The following ZNF331 variants were observed in gnomAD, a reference collection of about 807,000 sequenced individuals.
The protein encoded by ZNF331 is C2H2-like zinc finger protein rearranged in thyroid adenomas.
A neutral mutation model predicts 7.0 loss-of-function variants in ZNF331; 2 were observed. The ratio of observed to expected loss-of-function variants is 0.29; its 90% CI spans 0.12 to 0.90. The LOEUF (loss-of-function observed/expected upper bound fraction) is 0.90. Ranked by LOEUF, ZNF331 falls within the 40% of genes least tolerant of loss-of-function variation. ZNF331 has a pLI of 0.58. For synonymous variants in ZNF331, 196 were observed against 205.4 expected (o/e 0.95, Z 0.39); for missense variants, 432 against 587.7 (o/e 0.74, Z 2.74).
the ZNF331 span, chr19:53,503,329 A>G: frequency 7.8e-6 from 3 of 385,174 alleles, no homozygotes; most frequent in South Asian, 2.1e-5. Flanking sequence ...TCGCTCATGC[A>G]TCACGTTCCC....
At position 53,571,503 on chromosome 19, in the gene ZNF331, T is replaced by C. The variant is rs961872706; in HGVS notation, c.10-101T>C. The C allele has an allele frequency of 2.0e-6, 3 of 1,473,848 alleles. No homozygotes were observed. In the African/African-American group the frequency reaches 4.2e-5, roughly 21 times the overall value. 91.3% of individuals were successfully genotyped at this position (1,473,848 alleles called of 1,614,324 possible). A position where few individuals can be genotyped will look rare whatever the true frequency, so the allele number is the denominator to read the frequency against. On this transcript the variant is annotated intron_variant, in intron 4 of 5. Coordinates refer to ENST00000449416, the MANE Select transcript of ZNF331 (RefSeq NM_001079906.2). This position sits in a 1 kb window ranked among gnomAD's most constrained non-coding sequence, Gnocchi z 4.7. ...TTGCCGATGTCACGGGTGTTCAGTC[T>C]GCTCACGGTGTTCACCCTACCCAGA...
At chr19:53,554,111 G>C (rs1479622143) in intron 2 of ZNF331, among the ~76,000 whole-genome samples, 12 of 152,196 alleles carry the variant, frequency 7.9e-5, no homozygotes, top group Admixed American at 7.2e-4. Flanking sequence ...AAGCCCCTGT[G>C]TGTTTGGGCC....
At chr19:53,507,532 A>G in the ZNF331 span, among the ~76,000 whole-genome samples, 3 of 152,208 alleles carry the variant, frequency 2.0e-5, no homozygotes, top group Non-Finnish European at 2.9e-5. Context: ...CACGGTCTGA[A>G]GCAAAGCTAT....
chr19:53,530,816 G>C (rs1159726355), intron 2 of ZNF331, among the ~76,000 whole-genome samples: 1 of 152,238 alleles, frequency 6.6e-6, no homozygotes, highest in African/African-American at 2.4e-5. Context: ...ACGCACTTGC[G>C]TGGGCGTGTG....
intron 2 of ZNF331, among the ~76,000 whole-genome samples, chr19:53,545,673 C>A (rs1454448695): frequency 6.6e-6 from 1 of 152,214 alleles, no homozygotes; most frequent in Non-Finnish European, 1.5e-5. Flanking sequence ...TGTCTCTGGG[C>A]TTCCTCTGCC....
chr19:53,517,347 G>T (rs986564024), upstream of ZNF331, among the ~76,000 whole-genome samples: 4 of 151,932 alleles, frequency 2.6e-5, no homozygotes, highest in Non-Finnish European at 5.9e-5. Context: ...TAAATAATAA[G>T]GACTGCATCC....
Position 53,579,491 on chromosome 19 carries a change from T to C in ZNF331, c.*1539T>C, listed in dbSNP as rs2090849715. 4.8e-6 allele frequency: 1 copy of C among 209,530 alleles called. No homozygotes were observed. The highest frequency in any genetic ancestry group is 2.3e-5 in the African/African-American group (1 of 44,048). The allele number at this position is 209,530 out of a possible 1,614,324, so 13.0% of individuals were successfully genotyped here. A position where few individuals can be genotyped will look rare whatever the true frequency, so the allele number is the denominator to read the frequency against. On this transcript the variant is annotated 3_prime_UTR_variant, in exon 6 of 6. Coordinates refer to ENST00000449416, the MANE Select transcript of ZNF331 (RefSeq NM_001079906.2). ...TGAGACTGCTATCATGGAAATTAAATGTTTGGTACATGTAAAGTCTTTGAA... is the reference window on the plus strand; with the variant it reads ...TGAGACTGCTATCATGGAAATTAAACGTTTGGTACATGTAAAGTCTTTGAA...
In ZNF331 at chr19:53,572,143, G is replaced by A. The variant is rs533801947; in HGVS notation, c.136+413G>A. Among the ~76,000 whole-genome samples, 6 of 152,282 alleles carry A rather than the reference G, an allele frequency of 3.9e-5. No individual in the cohort carries two copies. The East Asian group carries it at 9.6e-4, about 24-fold the overall frequency. On this transcript the variant is annotated intron_variant, in intron 5 of 5. Coordinates refer to ENST00000449416, the MANE Select transcript of ZNF331 (RefSeq NM_001079906.2). ...ATTGTTCTAGTAAACCAGCCTATGT[G>A]TTTGAAGTACAGTAGATCAGACAAA...
At position 53,577,336 on chromosome 19, in the gene ZNF331, T is replaced by C. The variant is rs1180193618; in HGVS notation, c.776T>C (p.Ile259Thr). ...ACCTTTAGCCGTGTGTATAAACTTA[T>C]TCAGCACAAGAGAATTCATAGTGGG... Reference protein sequence around the residue: ...GKTFSRVYKLIQHKRIHSGEK... With the variant: ...GKTFSRVYKLTQHKRIHSGEK... Residue 259 changes from isoleucine (I) to threonine (T), a missense_variant, in exon 6 of 6, where the codon ATT becomes ACT. Physicochemically the swap from Ile to Thr is moderately conservative, Grantham distance 89 (BLOSUM62 -1). Around this residue, in one of 3 missense-constraint regions of ZNF331, gnomAD observed 312 missense variants for 448.6 expected, o/e 0.70. Transcript: ENST00000449416. 3.7e-6 allele frequency: 6 copies of C among 1,608,046 alleles called. No individual in the cohort carries two copies. Among genetic ancestry groups the C allele is most frequent in the Non-Finnish European group, 5.1e-6 (6 of 1,178,248 alleles).
chr19:53,503,441 A>G, the ZNF331 span: 1 of 613,516 alleles, frequency 1.6e-6, no homozygotes, highest in Non-Finnish European at 2.9e-6. Flanking sequence ...CGCAGACTGT[A>G]CTTGGAATCC....
At chr19:53,562,187 A>G (rs543557318) in intron 3 of ZNF331, among the ~76,000 whole-genome samples, 52 of 149,234 alleles carry the variant, frequency 3.5e-4, no homozygotes, top group African/African-American at 1.2e-3. Context: ...TAGAATTGTA[A>G]TGTTTCTTTC....
chr19:53,547,704 A>T (rs1018312999), intron 2 of ZNF331, among the ~76,000 whole-genome samples: 4 of 152,050 alleles, frequency 2.6e-5, no homozygotes, highest in African/African-American at 9.7e-5. Context: ...TTTGTTTTTT[A>T]ATAAAAGCCA....
chr19:53,552,146 T>C (rs1170607134), intron 2 of ZNF331, among the ~76,000 whole-genome samples: 2 of 152,180 alleles, frequency 1.3e-5, no homozygotes, highest in East Asian at 3.9e-4. Flanking sequence ...AAATGTCCTA[T>C]AACACATGGA....
At chr19:53,543,904 A>G (rs754303453) in intron 2 of ZNF331, among the ~76,000 whole-genome samples, 1 of 152,132 alleles carries the variant, frequency 6.6e-6, no homozygotes, top group Non-Finnish European at 1.5e-5. Flanking sequence ...CACCTTTTTA[A>G]TCTACCTTCT....
intron 2 of ZNF331, chr19:53,555,538 C>G (rs556952365): frequency 1.0e-4 from 16 of 152,482 alleles, no homozygotes; most frequent in African/African-American, 3.8e-4. Context: ...GTGCCTGAGC[C>G]CTGCCAGGAA....
At chr19:53,545,086 C>T (rs2088503460) in intron 2 of ZNF331, among the ~76,000 whole-genome samples, 1 of 152,124 alleles carries the variant, frequency 6.6e-6, no homozygotes, top group Non-Finnish European at 1.5e-5. Context: ...CACTGGATCT[C>T]TCTGTATTAT....
At chr19:53,540,703 C>CG (rs1568477278) in intron 2 of ZNF331, among the ~76,000 whole-genome samples, 1 of 151,918 alleles carries the variant, frequency 6.6e-6, no homozygotes, top group African/African-American at 2.4e-5. Context: ...TCCCAAAGTG[C>CG]GGGATTACAG....
rs73937906 is a variant in ZNF331, at chr19:53,569,597, C to G, written c.9+212C>G. 5.1e-3 allele frequency among the ~76,000 whole-genome samples: 777 copies of G among 152,186 alleles called. 3 individuals are homozygous for G. Among genetic ancestry groups the G allele is most frequent in the African/African-American group, 0.018 (734 of 41,520 alleles). ...GGTGATTAAGTATCTCCTGTTTGCT[C>G]CCTTTTTTGGCAAGGGTAATTTTGG... On this transcript the variant is annotated intron_variant, in intron 4 of 5. Coordinates refer to ENST00000449416, the MANE Select transcript of ZNF331 (RefSeq NM_001079906.2).
intron 2 of ZNF331, among the ~76,000 whole-genome samples, chr19:53,540,189 C>T (rs1239640695): frequency 6.6e-6 from 1 of 152,158 alleles, no homozygotes; most frequent in Non-Finnish European, 1.5e-5. Flanking sequence ...TTTATTCTTA[C>T]CTTAGTCTGT....
Sources: gnomAD v4.1 joint callset for allele counts (sites outside exome capture counted in the v4.1 genomes callset) on GRCh38, gnomAD v4.1.1 for gene constraint, gnomAD v4.1.1 regional missense constraint, Gnocchi (gnomAD v3.1) non-coding constraint, MANE v1.5 for transcripts, NCBI Gene and HGNC (gene_info 2026-07-23, HGNC 2026-07-21) for gene names.